Variants in PDZD9 observed in about 807,000 individuals in gnomAD.
The protein encoded by PDZD9 is PDZ domain containing 9, also known as PDZ domain-containing protein 9.
Under a neutral mutation model 16.3 loss-of-function variants are expected in PDZD9, and 13 were observed. The observed-to-expected ratio is 0.80, with a 90% confidence interval of 0.52 to 1.27. The LOEUF (loss-of-function observed/expected upper bound fraction) is 1.27. Among genes scored for constraint, PDZD9 ranks in the 50% most tolerant of loss-of-function variants. PDZD9 has a pLI of 0.00. For synonymous variants in PDZD9, 120 were observed against 111.0 expected, an observed-to-expected ratio of 1.08 and a Z score of -0.51; for missense variants, 288 against 310.9, an observed-to-expected ratio of 0.93 and a Z score of 0.55.
intron 2 of PDZD9, among the ~76,000 whole-genome samples, chr16:21,989,687 A>T (rs990682048): frequency 6.6e-6 from 1 of 152,166 alleles, no homozygotes; most frequent in Admixed American, 6.5e-5. Context: ...TGCAGTGAGT[A>T]TGTTGGTTTA....
chr16:21,967,835 T>C, the PDZD9 span, among the ~76,000 whole-genome samples: 1 of 152,118 alleles, frequency 6.6e-6, no homozygotes, highest in African/African-American at 2.4e-5. Context: ...AGAAGGGTGT[T>C]GTGGTAAAAC....
At chr16:21,999,864 C>G (rs1022827423) in intron 1 of PDZD9, among the ~76,000 whole-genome samples, 2 of 152,122 alleles carry the variant, frequency 1.3e-5, no homozygotes, top group African/African-American at 2.4e-5. Flanking sequence ...TGGTGAAACA[C>G]CGTTGCTACT....
At chr16:21,975,451 C>T in the PDZD9 span, among the ~76,000 whole-genome samples, 1 of 151,986 alleles carries the variant, frequency 6.6e-6, no homozygotes, top group African/African-American at 2.4e-5. Context: ...GAAGGGGAAA[C>T]AGAGGTCCTA....
the PDZD9 span, among the ~76,000 whole-genome samples, chr16:21,966,189 T>C: frequency 6.6e-6 from 1 of 151,946 alleles, no homozygotes; most frequent in African/African-American, 2.4e-5. Context: ...TGTATACATA[T>C]ATATAAAATA....
At chr16:21,958,415 G>A in the PDZD9 span, 34 of 842,760 alleles carry the variant, frequency 4.0e-5, no homozygotes, top group East Asian at 8.7e-4. Context: ...TAACTAAAAA[G>A]GATGCAGGAA....
In PDZD9 at chr16:21,984,401, G is replaced by C. The variant is rs780767319; in HGVS notation, c.661C>G (p.Pro221Ala). The C allele has an allele frequency of 4.3e-6, 7 of 1,614,114 alleles. No homozygotes were observed. In the Admixed American group the frequency reaches 1.2e-4, roughly 27 times the overall value. Residue 221 changes from proline (P) to alanine (A), a missense_variant, in exon 4 of 4, where the codon CCA becomes GCA. Physicochemically the swap from Pro to Ala is conservative, Grantham distance 27. Coordinates refer to ENST00000424898, the MANE Select transcript of PDZD9 (RefSeq NM_001363519.1). ...DDKKEVRAPSPYWIMVKQDNE... is the reference protein window; with the variant it reads ...DDKKEVRAPSAYWIMVKQDNE... Reference sequence around the variant, plus strand: ...TCTTGCTTCACCATTATCCAGTATGGAGAAGGGGCCCTCACTTCTTTCTTG... The same window carrying C: ...TCTTGCTTCACCATTATCCAGTATGCAGAAGGGGCCCTCACTTCTTTCTTG...
At chr16:21,971,403 ACT>A in the PDZD9 span, 108 of 752,734 alleles carry the variant, frequency 1.4e-4, no homozygotes, top group Non-Finnish European at 2.0e-4. Flanking sequence ...TGGCAGGAAG[ACT>A]CTTATTTATT....
the PDZD9 span, among the ~76,000 whole-genome samples, chr16:21,964,499 A>T: frequency 6.6e-6 from 1 of 152,136 alleles, no homozygotes; most frequent in Non-Finnish European, 1.5e-5. Flanking sequence ...CACTTCTCTT[A>T]CTTTATGCTC....
At chr16:21,976,744 T>G in the PDZD9 span, 1 of 152,280 alleles carries the variant, frequency 6.6e-6, no homozygotes, top group Non-Finnish European at 1.5e-5. Context: ...TTAGGGACCA[T>G]CTGTATACTT....
intron 2 of PDZD9, among the ~76,000 whole-genome samples, chr16:21,989,982 G>T (rs1461373196): frequency 6.6e-6 from 1 of 152,178 alleles, no homozygotes; most frequent in Non-Finnish European, 1.5e-5. Flanking sequence ...AGGAGGAGAT[G>T]CAAAAGAGTG....
chr16:21,988,132 C>T (rs1898927696), intron 3 of PDZD9, among the ~76,000 whole-genome samples: 1 of 151,534 alleles, frequency 6.6e-6, no homozygotes, highest in African/African-American at 2.4e-5. Context: ...CTCAGCCTCC[C>T]GAATAGCTGG....
the PDZD9 span, among the ~76,000 whole-genome samples, chr16:21,967,656 A>G: frequency 2.6e-5 from 4 of 152,168 alleles, no homozygotes; most frequent in Non-Finnish European, 5.9e-5. Flanking sequence ...CTAGGATTCC[A>G]CATTTAATAT....
the PDZD9 span, among the ~76,000 whole-genome samples, chr16:21,969,831 A>G: frequency 2.0e-5 from 3 of 149,948 alleles, no homozygotes; most frequent in Admixed American, 2.0e-4. Flanking sequence ...CCCCATTCTC[A>G]TCTTCCCCCT....
the PDZD9 span, chr16:21,963,235 G>A: frequency 6.0e-6 from 1 of 167,830 alleles, no homozygotes; most frequent in Non-Finnish European, 1.3e-5. Flanking sequence ...GGCCTCAAGT[G>A]ATCCACCCAC....
At position 22,001,005 on chromosome 16, in the gene PDZD9, C is replaced by G. The variant is rs1017676474; in HGVS notation, c.31+12G>C. On this transcript the variant is annotated intron_variant, in intron 1 of 3. Coordinates refer to ENST00000424898, the MANE Select transcript of PDZD9 (RefSeq NM_001363519.1). ...CCAGGGCTTCTTCACCCGCTTCCTT[C>G]TCCCCAGTTACCTTTTTTGTTTTTG... is the stretch of plus-strand genomic sequence containing the variant. 6.5e-7 allele frequency: 1 copy of G among 1,533,728 alleles called. No homozygotes were observed. Among genetic ancestry groups the G allele is most frequent in the Non-Finnish European group, 8.7e-7 (1 of 1,145,978 alleles).
downstream of PDZD9, among the ~76,000 whole-genome samples, chr16:21,981,114 T>C (rs549203756): frequency 6.6e-6 from 1 of 152,348 alleles, no homozygotes; most frequent in African/African-American, 2.4e-5. Flanking sequence ...ATAGTGAAGT[T>C]TGCTATTTTT....
chr16:21,996,182 T>C (rs1005382154), intron 2 of PDZD9, 140 bp downstream of exon 2: 3 of 1,087,540 alleles, frequency 2.8e-6, no homozygotes, highest in Admixed American at 5.7e-5. Flanking sequence ...CGCCTTGGCC[T>C]CCCAAAGTGC....
chr16:21,959,818 A>G, the PDZD9 span: 2 of 152,252 alleles, frequency 1.3e-5, no homozygotes, highest in Non-Finnish European at 2.9e-5. Flanking sequence ...AGCAGGCATG[A>G]AAACAGTGTC....
At chr16:21,997,618 G>A (rs1899183223) in intron 1 of PDZD9, among the ~76,000 whole-genome samples, 1 of 152,192 alleles carries the variant, frequency 6.6e-6, no homozygotes, top group South Asian at 2.1e-4. Context: ...AAAAGCACAT[G>A]GGGGAAAATC....
Sources: gnomAD v4.1 joint callset for allele counts (sites outside exome capture counted in the v4.1 genomes callset) on GRCh38, gnomAD v4.1.1 for gene constraint, MANE v1.5 for transcripts, NCBI Gene and HGNC (gene_info 2026-07-23, HGNC 2026-07-21) for gene names.